Variants in XYLT1 observed in about 807,000 individuals in gnomAD.
XYLT1 encodes xylosyltransferase 1.
In XYLT1, 36 loss-of-function variants were observed where a neutral mutation model predicts 91.3. The ratio of observed to expected loss-of-function variants is 0.39; its 90% CI spans 0.30 to 0.52. XYLT1 has a LOEUF of 0.52. XYLT1 is among the 20% of genes least tolerant of loss of function. The probability of loss-of-function intolerance (pLI) is 0.68; values close to 1 mark genes in which losing one functional copy is unlikely to be tolerated. For missense variants in XYLT1, 1,242 were observed against 1,284.5 expected, an observed-to-expected ratio of 0.97 and a Z score of 0.51; for synonymous variants, 588 against 532.0, an observed-to-expected ratio of 1.11 and a Z score of -1.45.
At chr16:17,176,053 C>T (rs9673876) in intron 5 of XYLT1, among the ~76,000 whole-genome samples, 47,608 of 151,602 alleles carry the variant, frequency 0.31, 7,984 homozygotes, top group South Asian at 0.48. Context: ...AAAAAAAATG[C>T]GGTAAAATAT....
chr16:17,431,780 C>T (rs1167043887), intron 1 of XYLT1, among the ~76,000 whole-genome samples: 1 of 152,224 alleles, frequency 6.6e-6, no homozygotes, highest in Non-Finnish European at 1.5e-5. Flanking sequence ...AAATTAGCAA[C>T]AGCGTGACAC....
intron 3 of XYLT1, among the ~76,000 whole-genome samples, chr16:17,233,341 T>C (rs2033196890): frequency 6.6e-6 from 1 of 152,162 alleles, no homozygotes; most frequent in African/African-American, 2.4e-5. Flanking sequence ...CAGTGAGTGA[T>C]GGATGCCAGT....
At chr16:17,120,156 C>G (rs1482863861) in intron 10 of XYLT1, among the ~76,000 whole-genome samples, 1 of 152,046 alleles carries the variant, frequency 6.6e-6, no homozygotes, top group Non-Finnish European at 1.5e-5. Context: ...GCATAGTGCC[C>G]GGAACACAGT....
intron 1 of XYLT1, among the ~76,000 whole-genome samples, chr16:17,430,444 C>T (rs7197962): frequency 0.056 from 8,553 of 152,278 alleles, 336 homozygotes; most frequent in African/African-American, 0.097. Flanking sequence ...AGACACTCAG[C>T]CTGTACATGG....
intron 1 of XYLT1, among the ~76,000 whole-genome samples, chr16:17,436,440 G>A (rs1166390788): frequency 6.6e-6 from 1 of 152,168 alleles, no homozygotes; most frequent in Non-Finnish European, 1.5e-5. Context: ...GCTGTGGTCT[G>A]ATCTCAGCAC....
chr16:17,450,757 G>A (rs896776114), intron 1 of XYLT1, among the ~76,000 whole-genome samples: 2 of 152,162 alleles, frequency 1.3e-5, no homozygotes, highest in African/African-American at 4.8e-5. Flanking sequence ...TTCCAGCACA[G>A]CACAGCCCGC....
chr16:17,141,556 G>C (rs1054506259), intron 6 of XYLT1, among the ~76,000 whole-genome samples, 187 bp from the exon 7 acceptor site: 1 of 152,160 alleles, frequency 6.6e-6, no homozygotes, highest in Admixed American at 6.5e-5. Flanking sequence ...GCATGTCACC[G>C]TATTTACCCC....
intron 5 of XYLT1, among the ~76,000 whole-genome samples, chr16:17,194,402 T>C (rs545866892): frequency 1.3e-5 from 2 of 152,320 alleles, no homozygotes; most frequent in South Asian, 4.1e-4. Flanking sequence ...GCAATGCGCA[T>C]GCCTACCTGG....
chr16:17,269,582 T>G (rs911003071), intron 2 of XYLT1, among the ~76,000 whole-genome samples: 2 of 152,164 alleles, frequency 1.3e-5, no homozygotes, highest in Non-Finnish European at 2.9e-5. Context: ...CCAAAATAAT[T>G]TACTGTTTGT....
intron 5 of XYLT1, among the ~76,000 whole-genome samples, chr16:17,195,722 G>C (rs547331496): frequency 5.3e-5 from 8 of 152,118 alleles, no homozygotes; most frequent in African/African-American, 1.9e-4. Context: ...GGGATTACAG[G>C]TGTGAGCCAC....
intron 1 of XYLT1, among the ~76,000 whole-genome samples, chr16:17,438,319 T>C (rs1240046039): frequency 6.6e-6 from 1 of 152,170 alleles, no homozygotes; most frequent in Non-Finnish European, 1.5e-5. Flanking sequence ...TTTCATTCAA[T>C]ATGGTAATTG....
At chr16:17,356,698 C>T (rs370053055) in intron 2 of XYLT1, among the ~76,000 whole-genome samples, 1 of 152,158 alleles carries the variant, frequency 6.6e-6, no homozygotes, top group African/African-American at 2.4e-5. Flanking sequence ...TTGAAACGTT[C>T]GAACAGGTTT....
chr16:17,358,355 T>G (rs1378618656), intron 1 of XYLT1, among the ~76,000 whole-genome samples: 1 of 152,122 alleles, frequency 6.6e-6, no homozygotes, highest in Non-Finnish European at 1.5e-5. Flanking sequence ...CAGGCTGTTC[T>G]CCAACACTTT....
rs1966808033 is a variant in XYLT1, at chr16:17,108,441, C to T, written c.*254G>A. The T allele has an allele frequency of 4.9e-6, 2 of 404,724 alleles. No homozygotes were observed. The highest frequency in any genetic ancestry group is 8.7e-5 in the Admixed American group (2 of 22,938). 25.1% of individuals were successfully genotyped at this position (404,724 alleles called of 1,614,324 possible). On this transcript the variant is annotated 3_prime_UTR_variant, in exon 12 of 12. Transcript: ENST00000261381. ...AGGGGAAGACAAGGAACCTGTAGGA[C>T]TTGAGGATCAACCAGAAGAGGTGAG...
At chr16:17,349,300 AAT>A (rs1294933795) in intron 2 of XYLT1, among the ~76,000 whole-genome samples, 1 of 152,226 alleles carries the variant, frequency 6.6e-6, no homozygotes, top group Non-Finnish European at 1.5e-5. Flanking sequence ...TGTATCAATA[AAT>A]AGATATCAAA....
At chr16:17,456,207 A>AC (rs2036739413) in intron 1 of XYLT1, among the ~76,000 whole-genome samples, 1 of 146,516 alleles carries the variant, frequency 6.8e-6, no homozygotes, top group African/African-American at 2.6e-5. Context: ...TTCACACTCG[A>AC]CCTTTTTTTT....
At chr16:17,234,121 TGAGGCGGGTA>T (rs1385890540) in intron 3 of XYLT1, among the ~76,000 whole-genome samples, 1 of 152,112 alleles carries the variant, frequency 6.6e-6, no homozygotes, top group Non-Finnish European at 1.5e-5. Context: ...GTGTCAACAG[TGAGGCGGGTA>T]CTGCTGCCAC....
chr16:17,111,275 A>C (rs538187985), intron 11 of XYLT1, among the ~76,000 whole-genome samples: 37 of 152,256 alleles, frequency 2.4e-4, no homozygotes, highest in Admixed American at 5.2e-4. Context: ...ATCAGGAAGT[A>C]TAGCAATTTG....
intron 2 of XYLT1, among the ~76,000 whole-genome samples, chr16:17,346,459 T>A (rs1191406128): frequency 6.6e-6 from 1 of 152,210 alleles, no homozygotes; most frequent in East Asian, 1.9e-4. Flanking sequence ...GGGCAGCTGG[T>A]GGTCACCAGT....
Sources: gnomAD v4.1 joint callset for allele counts (sites outside exome capture counted in the v4.1 genomes callset) on GRCh38, gnomAD v4.1.1 for gene constraint, MANE v1.5 for transcripts, NCBI Gene and HGNC (gene_info 2026-07-23, HGNC 2026-07-21) for gene names.